The following ADAMTSL1 variants were observed in gnomAD, a reference collection of about 807,000 sequenced individuals.
The protein encoded by ADAMTSL1 is ADAMTS-like protein 1.
ADAMTSL1 carries 126 observed loss-of-function variants against 201.8 expected under a neutral mutation model. The ratio of observed to expected loss-of-function variants is 0.62; its 90% CI spans 0.54 to 0.72. The LOEUF is 0.72. ADAMTSL1 is among the 30% of genes least tolerant of loss of function. The pLI, the probability that ADAMTSL1 is intolerant of heterozygous loss-of-function variation, is 0.00. For synonymous variants in ADAMTSL1, 1,121 were observed against 903.4 expected, an observed-to-expected ratio of 1.24 and a Z score of -4.32; for missense variants, 2,679 against 2,277.8, an observed-to-expected ratio of 1.18 and a Z score of -3.59.
At chr9:18,755,555 C>T (rs1275337384) in intron 16 of ADAMTSL1, among the ~76,000 whole-genome samples, 3 of 152,118 alleles carry the variant, frequency 2.0e-5, no homozygotes, top group South Asian at 2.1e-4. Context: ...GATAGCCACA[C>T]GTGCTGCTGA....
At chr9:18,629,806 A>C (rs1408912194) in intron 5 of ADAMTSL1, among the ~76,000 whole-genome samples, 5 of 152,190 alleles carry the variant, frequency 3.3e-5, no homozygotes, top group Non-Finnish European at 5.9e-5. Flanking sequence ...GATTGTATGG[A>C]ATTGAATATA....
At chr9:18,724,353 T>C (rs1351318005) in intron 15 of ADAMTSL1, among the ~76,000 whole-genome samples, 1 of 152,222 alleles carries the variant, frequency 6.6e-6, no homozygotes, top group African/African-American at 2.4e-5. Flanking sequence ...AGCCAGGCTT[T>C]CTAAGATTAA....
chr9:18,829,205 C>G (rs1480661440), intron 22 of ADAMTSL1, among the ~76,000 whole-genome samples: 1 of 152,196 alleles, frequency 6.6e-6, no homozygotes, highest in Non-Finnish European at 1.5e-5. Flanking sequence ...CTGATGACTT[C>G]AGCGCTGATT....
chr9:18,774,060 A>T (rs1011049564), intron 17 of ADAMTSL1, among the ~76,000 whole-genome samples: 1 of 152,122 alleles, frequency 6.6e-6, no homozygotes, highest in African/African-American at 2.4e-5. Flanking sequence ...AAAATATAAG[A>T]TCATTTTTTG....
chr9:18,133,389 C>A (rs964215085), intron 1 of ADAMTSL1, among the ~76,000 whole-genome samples: 6 of 152,108 alleles, frequency 3.9e-5, no homozygotes, highest in African/African-American at 1.4e-4. Flanking sequence ...ACAATAACGA[C>A]CAGCATTATT....
At chr9:18,424,294 T>C (rs1819098401) in intron 2 of ADAMTSL1, among the ~76,000 whole-genome samples, 2 of 152,194 alleles carry the variant, frequency 1.3e-5, no homozygotes, top group Admixed American at 1.3e-4. Context: ...GAACTCATGC[T>C]GTAAGAGAAG....
At chr9:18,432,679 T>G (rs1185787155) in intron 2 of ADAMTSL1, among the ~76,000 whole-genome samples, 4 of 152,210 alleles carry the variant, frequency 2.6e-5, no homozygotes, top group Non-Finnish European at 4.4e-5. Context: ...TAACCTCTTT[T>G]ATTGTCCTTA....
intron 2 of ADAMTSL1, among the ~76,000 whole-genome samples, chr9:18,511,809 T>C (rs1818039002): frequency 6.6e-6 from 1 of 152,082 alleles, no homozygotes; most frequent in African/African-American, 2.4e-5. Context: ...CAAAAGAAAA[T>C]TTTCAATGGT....
intron 19 of ADAMTSL1, among the ~76,000 whole-genome samples, chr9:18,787,823 C>T (rs1821790598): frequency 6.6e-6 from 1 of 152,108 alleles, no homozygotes; most frequent in Non-Finnish European, 1.5e-5. Flanking sequence ...GGACCCCTAT[C>T]CCTAGTGGAT....
chr9:18,682,446 AC>A (rs1830562062), intron 12 of ADAMTSL1, among the ~76,000 whole-genome samples: 1 of 152,226 alleles, frequency 6.6e-6, no homozygotes, highest in Non-Finnish European at 1.5e-5. Flanking sequence ...GAATTCCAGA[AC>A]CATAATTTAA....
intron 13 of ADAMTSL1, among the ~76,000 whole-genome samples, chr9:18,702,002 C>T (rs1437904798): frequency 6.6e-6 from 1 of 152,122 alleles, no homozygotes; most frequent in Middle Eastern, 3.2e-3. Context: ...CTGGGGAGGC[C>T]TCACAATCAT....
chr9:18,270,588 A>G (rs923659751), intron 2 of ADAMTSL1, among the ~76,000 whole-genome samples: 2 of 152,190 alleles, frequency 1.3e-5, no homozygotes, highest in Non-Finnish European at 2.9e-5. Context: ...ATATTTTTAT[A>G]ATAATCCAGT....
At chr9:18,847,730 C>G (rs977482781) in intron 23 of ADAMTSL1, among the ~76,000 whole-genome samples, 1 of 152,166 alleles carries the variant, frequency 6.6e-6, no homozygotes, top group African/African-American at 2.4e-5. Context: ...AACGTGCATG[C>G]CTAGTGTGTT....
At chr9:18,366,345 C>T (rs73430986) in intron 2 of ADAMTSL1, among the ~76,000 whole-genome samples, 3,333 of 151,954 alleles carry the variant, frequency 0.022, 112 homozygotes, top group African/African-American at 0.074. Context: ...GAAGTCATCT[C>T]GGTGCTACCT....
chr9:18,118,569 A>G (rs1228818965), intron 1 of ADAMTSL1, among the ~76,000 whole-genome samples: 1 of 152,132 alleles, frequency 6.6e-6, no homozygotes. Flanking sequence ...ATTGCCTTTA[A>G]TGGGGGAGAG....
chr9:18,588,128 A>T (rs1318064370), intron 4 of ADAMTSL1, among the ~76,000 whole-genome samples: 1 of 152,140 alleles, frequency 6.6e-6, no homozygotes, highest in East Asian at 1.9e-4. Context: ...CATCCTCACC[A>T]GCATTTGCTA....
chr9:18,244,201 T>G (rs1011807604), intron 2 of ADAMTSL1, among the ~76,000 whole-genome samples: 6 of 151,926 alleles, frequency 3.9e-5, no homozygotes, highest in African/African-American at 1.5e-4. Flanking sequence ...GGGTGCATTA[T>G]CACCTGGCAA....
intron 1 of ADAMTSL1, among the ~76,000 whole-genome samples, chr9:18,142,919 G>A (rs1008037582): frequency 2.0e-5 from 3 of 152,142 alleles, no homozygotes; most frequent in Admixed American, 6.5e-5. Context: ...CTATCACACC[G>A]GGGGGTAATG....
At chr9:18,420,115 A>G (rs1266520053) in intron 2 of ADAMTSL1, among the ~76,000 whole-genome samples, 1 of 152,228 alleles carries the variant, frequency 6.6e-6, no homozygotes, top group East Asian at 1.9e-4. Context: ...AGTTTCGCCA[A>G]ATAGGAGGCT....
Sources: gnomAD v4.1 joint callset for allele counts (sites outside exome capture counted in the v4.1 genomes callset) on GRCh38, gnomAD v4.1.1 for gene constraint, MANE v1.5 for transcripts, NCBI Gene and HGNC (gene_info 2026-07-23, HGNC 2026-07-21) for gene names.